The following HMG20A variants were observed in gnomAD, a reference collection of about 807,000 sequenced individuals.
HMG20A encodes the protein high mobility group protein 20A.
HMG20A carries 17 observed loss-of-function variants against 43.9 expected under a neutral mutation model. That is an observed-to-expected ratio of 0.39 (90% CI 0.27 to 0.58). The LOEUF (loss-of-function observed/expected upper bound fraction) is 0.58, where lower values mean the gene tolerates loss of function less well. HMG20A is among the 20% of genes least tolerant of loss of function. HMG20A has a pLI of 0.59. For synonymous variants in HMG20A, 132 were observed against 147.5 expected (o/e 0.89, Z 0.76); for missense variants, 341 against 438.2 (o/e 0.78, Z 1.98).
chr15:77,499,837 T>TTC, the HMG20A span, among the ~76,000 whole-genome samples: 4 of 150,150 alleles, frequency 2.7e-5, no homozygotes, highest in Admixed American at 1.3e-4. Flanking sequence ...TTCTTTTCTT[T>TTC]TTTTTTTTTT....
intron 1 of HMG20A, among the ~76,000 whole-genome samples, chr15:77,446,089 G>A (rs2073670748): frequency 6.6e-6 from 1 of 152,100 alleles, no homozygotes; most frequent in South Asian, 2.1e-4. Context: ...AAACGTGTAA[G>A]GACCCAGAGC....
At chr15:77,497,537 C>G in the HMG20A span, among the ~76,000 whole-genome samples, 1 of 152,250 alleles carries the variant, frequency 6.6e-6, no homozygotes, top group Non-Finnish European at 1.5e-5. Context: ...GCTCAGCTTA[C>G]AAGCTTAGAC....
At chr15:77,514,518 A>G in the HMG20A span, among the ~76,000 whole-genome samples, 1 of 152,240 alleles carries the variant, frequency 6.6e-6, no homozygotes. Flanking sequence ...TTTACTCTAT[A>G]AAAGTTACAC....
intron 1 of HMG20A, among the ~76,000 whole-genome samples, chr15:77,429,724 G>A (rs2073464750): frequency 6.6e-6 from 1 of 152,128 alleles, no homozygotes; most frequent in African/African-American, 2.4e-5. Flanking sequence ...ATATAATAAT[G>A]CCTAAGCAAA....
chr15:77,478,203 G>A (rs2072873573), intron 7 of HMG20A, 92 bp from the exon 8 acceptor site: 1 of 1,235,914 alleles, frequency 8.1e-7, no homozygotes, highest in Non-Finnish European at 1.2e-6. Context: ...TAAATTAGAG[G>A]CAGCTAAGCA....
the HMG20A span, among the ~76,000 whole-genome samples, chr15:77,516,899 G>C: frequency 8.3e-4 from 126 of 152,288 alleles, 1 homozygote; most frequent in East Asian, 0.023. Flanking sequence ...GCCAGGCAGG[G>C]GCACTGCTGC....
chr15:77,441,642 C>T (rs2073613938), intron 1 of HMG20A, among the ~76,000 whole-genome samples: 2 of 152,094 alleles, frequency 1.3e-5, no homozygotes, highest in Non-Finnish European at 2.9e-5. Context: ...CTCAGGTTGT[C>T]TCCTTGTAGT....
chr15:77,492,828 TAAA>T, the HMG20A span, among the ~76,000 whole-genome samples: 1 of 150,092 alleles, frequency 6.7e-6, no homozygotes, highest in African/African-American at 2.5e-5. Flanking sequence ...AATAAATAAA[TAAA>T]GAAGAGGAAG....
chr15:77,441,243 G>A (rs1233745039), intron 1 of HMG20A, among the ~76,000 whole-genome samples: 2 of 152,078 alleles, frequency 1.3e-5, no homozygotes, highest in Non-Finnish European at 2.9e-5. Context: ...TAGGCAGTCT[G>A]ACTCCAGAGC....
At chr15:77,475,740 A>G (rs1164732995) in intron 6 of HMG20A, among the ~76,000 whole-genome samples, 1 of 152,204 alleles carries the variant, frequency 6.6e-6, no homozygotes, top group East Asian at 1.9e-4. Flanking sequence ...CAGCCCAGTA[A>G]CAGTTAAAGC....
At chr15:77,503,437 A>G in the HMG20A span, among the ~76,000 whole-genome samples, 6 of 152,194 alleles carry the variant, frequency 3.9e-5, no homozygotes, top group Admixed American at 3.9e-4. Flanking sequence ...TTTTTCCTGT[A>G]AGCCCTCAGG....
At chr15:77,508,714 A>G in the HMG20A span, among the ~76,000 whole-genome samples, 50 of 152,258 alleles carry the variant, frequency 3.3e-4, no homozygotes, top group Admixed American at 2.9e-3. Flanking sequence ...GGCACCAGCA[A>G]AGCAGGGCAC....
Position 77,483,910 on chromosome 15 carries a change from T to C in HMG20A, c.*947T>C, listed in dbSNP as rs1022666513. The stretch of plus-strand genomic sequence containing the variant: ...TGTCTTCTTTAGGAGTAATGATTCA[T>C]AGATCTAGATAGGTGGAAATATCAT... On this transcript the variant is annotated 3_prime_UTR_variant, in exon 10 of 10. Transcript: ENST00000336216. 2.0e-5 allele frequency: 3 copies of C among 152,198 alleles called. No individual in the cohort carries two copies. Among genetic ancestry groups the C allele is most frequent in the Non-Finnish European group, 4.4e-5 (3 of 68,030 alleles). 9.4% of individuals were successfully genotyped at this position (152,198 alleles called of 1,614,324 possible).
At chr15:77,451,476 A>G (rs1354778106) in intron 1 of HMG20A, among the ~76,000 whole-genome samples, 1 of 152,182 alleles carries the variant, frequency 6.6e-6, no homozygotes, top group East Asian at 1.9e-4. Context: ...GTAGTGGTAG[A>G]TCATTATTGT....
At chr15:77,513,043 A>G in the HMG20A span, among the ~76,000 whole-genome samples, 1 of 152,360 alleles carries the variant, frequency 6.6e-6, no homozygotes, top group Non-Finnish European at 1.5e-5. Context: ...CTAGGTGTCA[A>G]GGTCATCAAA....
At chr15:77,433,781 G>A (rs2073515486) in intron 1 of HMG20A, among the ~76,000 whole-genome samples, 1 of 152,170 alleles carries the variant, frequency 6.6e-6, no homozygotes. Flanking sequence ...TCATAGATTG[G>A]AAGACTTGGT....
At chr15:77,456,346 G>T (rs992985958) in intron 1 of HMG20A, among the ~76,000 whole-genome samples, 1 of 152,164 alleles carries the variant, frequency 6.6e-6, no homozygotes, top group African/African-American at 2.4e-5. Context: ...GAATCTCAAG[G>T]TTCTTGAAAG....
At chr15:77,444,693 T>C (rs2073653872) in intron 1 of HMG20A, among the ~76,000 whole-genome samples, 1 of 152,252 alleles carries the variant, frequency 6.6e-6, no homozygotes, top group South Asian at 2.1e-4. Context: ...ACTGGTCTTG[T>C]AGAGCTTAAA....
intron 1 of HMG20A, among the ~76,000 whole-genome samples, chr15:77,431,373 A>C (rs1658850309): frequency 6.6e-6 from 1 of 152,014 alleles, no homozygotes; most frequent in African/African-American, 2.4e-5. Context: ...CACCACACCC[A>C]GCTAATTTTT....
Sources: allele counts gnomAD v4.1 joint callset (sites outside exome capture counted in the v4.1 genomes callset), GRCh38; gene constraint gnomAD v4.1.1; transcripts MANE v1.5; gene names NCBI Gene and HGNC (gene_info 2026-07-23, HGNC 2026-07-21).